Variants in GPR37 observed in about 807,000 individuals in gnomAD.
GPR37 encodes the protein prosaposin receptor GPR37.
A neutral mutation model predicts 43.6 loss-of-function variants in GPR37; 20 were observed. That is an observed-to-expected ratio of 0.46 (90% CI 0.32 to 0.67). GPR37 has a LOEUF of 0.67. Among genes scored for constraint, GPR37 ranks in the 30% least tolerant of loss-of-function variants. The pLI is 0.03. For missense variants in GPR37, 724 were observed against 797.2 expected, an observed-to-expected ratio of 0.91 and a Z score of 1.11; for synonymous variants, 315 against 322.6, an observed-to-expected ratio of 0.98 and a Z score of 0.25.
intron 1 of GPR37, among the ~76,000 whole-genome samples, chr7:124,756,439 G>A (rs1793790974): frequency 6.6e-6 from 1 of 152,146 alleles, no homozygotes; most frequent in Admixed American, 6.5e-5. Context: ...GACTGACACA[G>A]TGATCATATC....
At chr7:124,755,071 C>G (rs1446568126) in intron 1 of GPR37, among the ~76,000 whole-genome samples, 1 of 152,028 alleles carries the variant, frequency 6.6e-6, no homozygotes, top group East Asian at 1.9e-4. Flanking sequence ...TGACACACTT[C>G]GATTAGCATT....
intron 1 of GPR37, among the ~76,000 whole-genome samples, chr7:124,756,845 G>A (rs921268996): frequency 6.6e-6 from 1 of 152,168 alleles, no homozygotes; most frequent in African/African-American, 2.4e-5. Context: ...TAAGACGAAT[G>A]CCATTAAAGG....
Position 124,764,765 on chromosome 7 carries a change from G to T in GPR37, c.212C>A (p.Ala71Glu), listed in dbSNP as rs775239448. Residue 71 changes from alanine to glutamate, a missense_variant, in exon 1 of 2, where the codon GCA becomes GAA. By Grantham distance (107) the Ala-to-Glu change is moderately radical. This residue lies in a region of GPR37 where 382 missense variants were observed against 355.4 expected (regional missense o/e 1.07). Transcript: ENST00000303921. The surrounding 1 kb of genome is among the most constrained non-coding windows in gnomAD (Gnocchi z 5.4). The part of the protein sequence containing the change: ...NSARDVLRAR[A>E]PREEQGAAFL... Reference sequence around the variant, plus strand: ...CGCTGCCCCCTGCTCCTCCCTGGGTGCTCGGGCTCGCAGAACGTCTCTTGC... The same window carrying T: ...CGCTGCCCCCTGCTCCTCCCTGGGTTCTCGGGCTCGCAGAACGTCTCTTGC... The T allele has an allele frequency of 3.8e-5, 62 of 1,612,570 alleles. No individual in the cohort carries two copies. In the East Asian group the frequency reaches 1.1e-3, roughly 29 times the overall value.
In GPR37 at chr7:124,746,386, A is replaced by G; in HGVS notation, c.*139T>C. The G allele has an allele frequency of 3.5e-6, 2 of 572,106 alleles. No individual in the cohort carries two copies. The highest frequency in any genetic ancestry group is 6.1e-5 in the East Asian group (2 of 32,538). 35.4% of individuals were successfully genotyped at this position (572,106 alleles called of 1,614,324 possible). The stretch of plus-strand genomic sequence containing the variant: ...CAAAGCACAAATATTAATTTGTAAA[A>G]TCAGTTCTACAGTAGTTAATATTTC... On this transcript the variant is annotated 3_prime_UTR_variant, in exon 2 of 2. Transcript: ENST00000303921.
At position 124,764,111 on chromosome 7, in the gene GPR37, T is replaced by C; in HGVS notation, c.866A>G (p.Asn289Ser). 3 of 1,613,542 alleles carry C rather than the reference T, an allele frequency of 1.9e-6. No homozygotes were observed. The highest frequency in any genetic ancestry group is 4.5e-5 in the East Asian group (2 of 44,850). The part of the protein sequence containing the change: ...NLAVMCIVCH[N>S]YYMRSISNSL... The stretch of plus-strand genomic sequence containing the variant: ...GTTGGAGATGCTCCGCATGTAGTAG[T>C]TGTGGCACACGATGCACATCACCGC... The change falls in exon 1 of 2, where the codon AAC becomes AGC. Residue 289 changes from asparagine (N) to serine (S), a missense_variant. Physicochemically the swap from Asn to Ser is conservative, Grantham distance 46. Coordinates refer to ENST00000303921, the MANE Select transcript of GPR37 (RefSeq NM_005302.5). This position sits in a 1 kb window ranked among gnomAD's most constrained non-coding sequence, Gnocchi z 5.4.
chr7:124,745,170 G>T lies in GPR37; in HGVS notation c.*1355C>A, dbSNP rs1007909820. Among the ~76,000 whole-genome samples the T allele has an allele frequency of 6.6e-6, 1 of 152,136 alleles. No homozygotes were observed. The highest frequency in any genetic ancestry group is 2.4e-5 in the African/African-American group (1 of 41,428). On this transcript the variant is annotated 3_prime_UTR_variant, in exon 2 of 2. Coordinates refer to ENST00000303921, the MANE Select transcript of GPR37 (RefSeq NM_005302.5). ...AAAGGAATACTGACTTACTTATGCC[G>T]AGTAGAACAGAAATCAACAAGCAGA...
At position 124,765,098 on chromosome 7, in the gene GPR37, G is replaced by T. The variant is rs1793905063; in HGVS notation, c.-122C>A. ...TACTCACCCCCGCCCGGGTAGCGGG[G>T]AACCGGAGATTAGGGTGATAGCGGA... On this transcript the variant is annotated 5_prime_UTR_variant, in exon 1 of 2. Coordinates refer to ENST00000303921, the MANE Select transcript of GPR37 (RefSeq NM_005302.5). The T allele has an allele frequency of 2.2e-6, 2 of 908,598 alleles. No homozygotes were observed. The highest frequency in any genetic ancestry group is 2.0e-5 in the South Asian group (1 of 49,952). The allele number at this position is 908,598 out of a possible 1,614,324, so 56.3% of individuals were successfully genotyped here.
rs1793911886 is a variant in GPR37 at position 124,765,596 on chromosome 7, C to CT, written c.-621dup. On this transcript the variant is annotated 5_prime_UTR_variant, in exon 1 of 2. Transcript: ENST00000303921. Reference sequence around the variant, plus strand: ...CTAACCCCAGCGACTTGCGAGCCTACTGCTGCCGAGGAGAAGCGGGATTCC... The same window carrying CT: ...CTAACCCCAGCGACTTGCGAGCCTACTTGCTGCCGAGGAGAAGCGGGATTCC... 1 of 152,334 alleles carries CT rather than the reference C, an allele frequency of 6.6e-6. No homozygotes were observed. Among genetic ancestry groups the CT allele is most frequent in the Admixed American group, 6.5e-5 (1 of 15,290 alleles). 9.4% of individuals were successfully genotyped at this position (152,334 alleles called of 1,614,324 possible).
At position 124,765,097 on chromosome 7, in the gene GPR37, G is replaced by C. The variant is rs1449990012; in HGVS notation, c.-121C>G. On this transcript the variant is annotated 5_prime_UTR_variant, in exon 1 of 2. Transcript: ENST00000303921. ...ATACTCACCCCCGCCCGGGTAGCGG[G>C]GAACCGGAGATTAGGGTGATAGCGG... 5.5e-6 allele frequency: 5 copies of C among 916,558 alleles called. No individual in the cohort carries two copies. The highest frequency in any genetic ancestry group is 6.2e-6 in the Non-Finnish European group (4 of 648,260). 56.8% of individuals were successfully genotyped at this position (916,558 alleles called of 1,614,324 possible). A position where few individuals can be genotyped will look rare whatever the true frequency, so the allele number is the denominator to read the frequency against.
chr7:124,749,991 T>C (rs1793714110), intron 1 of GPR37, among the ~76,000 whole-genome samples: 1 of 152,110 alleles, frequency 6.6e-6, no homozygotes, highest in African/African-American at 2.4e-5. Flanking sequence ...TGAAAATTTG[T>C]TTTGCGTCTA....
At chr7:124,753,640 A>G (rs1295542911) in intron 1 of GPR37, among the ~76,000 whole-genome samples, 5 of 152,116 alleles carry the variant, frequency 3.3e-5, no homozygotes, top group Non-Finnish European at 7.4e-5. Flanking sequence ...ATTTTGTTAC[A>G]GAAAGAAACC....
chr7:124,751,492 T>C (rs1050700471), intron 1 of GPR37, among the ~76,000 whole-genome samples: 8 of 152,108 alleles, frequency 5.3e-5, no homozygotes, highest in South Asian at 2.1e-4. Flanking sequence ...AAAAATCATA[T>C]GAATAATGAG....
In GPR37 at chr7:124,764,133, C is replaced by T. The variant is rs1562960777; in HGVS notation, c.844G>A (p.Val282Met). ...TAGTTGTGGCACACGATGCACATCA[C>T]CGCCAGGTTGCCAATGATGCCGGTC... ...FGTGIIGNLA[V>M]MCIVCHNYYM... Residue 282 changes from valine (V) to methionine (M), a missense_variant, in exon 1 of 2, where the codon GTG becomes ATG. Val to Met is a conservative substitution (Grantham distance 21). This residue lies in a region of GPR37 where 342 missense variants were observed against 441.8 expected (regional missense o/e 0.77). Transcript: ENST00000303921. This position sits in a 1 kb window ranked among gnomAD's most constrained non-coding sequence, Gnocchi z 5.4. The T allele has an allele frequency of 6.2e-7, 1 of 1,609,806 alleles. No individual in the cohort carries two copies. The highest frequency in any genetic ancestry group is 1.7e-5 in the Admixed American group (1 of 59,758).
At chr7:124,755,447 C>T (rs759904281) in intron 1 of GPR37, among the ~76,000 whole-genome samples, 3 of 152,092 alleles carry the variant, frequency 2.0e-5, no homozygotes, top group Non-Finnish European at 4.4e-5. Context: ...ATTTAAAAAT[C>T]AACATATTCT....
chr7:124,752,463 G>A (rs1358281092), intron 1 of GPR37, among the ~76,000 whole-genome samples: 3 of 152,056 alleles, frequency 2.0e-5, no homozygotes, highest in African/African-American at 7.2e-5. Context: ...CTTTACATAT[G>A]GAATCACTCA....
chr7:124,765,649 TCTC>T lies in GPR37; in HGVS notation c.-676_-674del, dbSNP rs993874828. ...CCCCGCGGCCACTGCCAAAGTTGCT[TCTC>T]CTCCAGCTCAAAGTTGACGACGGGG... On this transcript the variant is annotated 5_prime_UTR_variant, in exon 1 of 2. Coordinates refer to ENST00000303921, the MANE Select transcript of GPR37 (RefSeq NM_005302.5). 26 of 152,236 alleles carry T rather than the reference TCTC, an allele frequency of 1.7e-4. No homozygotes were observed. Among genetic ancestry groups the T allele is most frequent in the Admixed American group, 1.4e-3 (22 of 15,286 alleles). The allele number at this position is 152,236 out of a possible 1,614,324, so 9.4% of individuals were successfully genotyped here. A position where few individuals can be genotyped will look rare whatever the true frequency, so the allele number is the denominator to read the frequency against.
chr7:124,746,459 G>C lies in GPR37; in HGVS notation c.*66C>G. 1.7e-6 allele frequency: 2 copies of C among 1,190,860 alleles called. No individual in the cohort carries two copies. Among genetic ancestry groups the C allele is most frequent in the African/African-American group, 3.1e-5 (2 of 65,196 alleles). 73.8% of individuals were successfully genotyped at this position (1,190,860 alleles called of 1,614,324 possible). ...CATTTTTCCCTATAAGGAAAAATATGAATTAAAAACTTTCACGGGATATGA... is the reference window on the plus strand; with the variant it reads ...CATTTTTCCCTATAAGGAAAAATATCAATTAAAAACTTTCACGGGATATGA... On this transcript the variant is annotated 3_prime_UTR_variant, in exon 2 of 2. Coordinates refer to ENST00000303921, the MANE Select transcript of GPR37 (RefSeq NM_005302.5).
chr7:124,747,916 G>A (rs1310349902), intron 1 of GPR37, among the ~76,000 whole-genome samples: 4 of 152,042 alleles, frequency 2.6e-5, no homozygotes, highest in Non-Finnish European at 5.9e-5. Context: ...ATACACTTAC[G>A]GAAAACAAGA....
At position 124,764,878 on chromosome 7, in the gene GPR37, C is replaced by T. The variant is rs1324598804; in HGVS notation, c.99G>A (p.Ala33=). ...SASSALGVAP[A]SRNETCLGES... is the part of the protein sequence containing the mutation. ...CCCCCAGACAAGTTTCGTTTCTGGA[C>T]GCAGGGGCGACCCCGAGGGCAGAAG... Residue 33 remains alanine, a synonymous_variant, in exon 1 of 2, where the codon GCG becomes GCA. Coordinates refer to ENST00000303921, the MANE Select transcript of GPR37 (RefSeq NM_005302.5). The surrounding 1 kb of genome is among the most constrained non-coding windows in gnomAD (Gnocchi z 5.4). 2 of 1,609,844 alleles carry T rather than the reference C, an allele frequency of 1.2e-6. No individual in the cohort carries two copies. Among genetic ancestry groups the T allele is most frequent in the Non-Finnish European group, 1.7e-6 (2 of 1,178,174 alleles).
Sources: allele counts gnomAD v4.1 joint callset (sites outside exome capture counted in the v4.1 genomes callset), GRCh38; gene constraint gnomAD v4.1.1; regional missense constraint gnomAD v4.1.1; non-coding constraint Gnocchi (gnomAD v3.1); transcripts MANE v1.5; gene names NCBI Gene and HGNC (gene_info 2026-07-23, HGNC 2026-07-21).